Variants in GARRE1 observed in about 807,000 individuals in gnomAD.
GARRE1 encodes the protein granule associated Rac and RHOG effector 1, also known as granule associated Rac and RHOG effector protein 1.
Under a neutral mutation model 103.2 loss-of-function variants are expected in GARRE1, and 49 were observed. That is an observed-to-expected ratio of 0.47 (90% CI 0.38 to 0.60). The LOEUF (loss-of-function observed/expected upper bound fraction) is 0.60, where lower values mean the gene tolerates loss of function less well. GARRE1 is among the 20% of genes least tolerant of loss of function. The pLI is 0.00. For missense variants in GARRE1, 1,199 were observed against 1,370.5 expected (o/e 0.87, Z 1.98); for synonymous variants, 505 against 532.8 (o/e 0.95, Z 0.72).
At chr19:34,329,763 G>A (rs915649174) in intron 6 of GARRE1, among the ~76,000 whole-genome samples, 4 of 152,002 alleles carry the variant, frequency 2.6e-5, no homozygotes, top group Non-Finnish European at 5.9e-5. Context: ...TTGAACCCAG[G>A]AGGTGGAGGT....
intron 2 of GARRE1, 60 bp from the exon 3 acceptor site, chr19:34,319,846 TA>T: frequency 6.9e-7 from 1 of 1,457,740 alleles, no homozygotes; most frequent in Non-Finnish European, 9.6e-7. Flanking sequence ...ATTGAAAATT[TA>T]CTGCGCGAAT....
At chr19:34,288,301 T>G (rs900372118) in intron 1 of GARRE1, among the ~76,000 whole-genome samples, 11 of 152,166 alleles carry the variant, frequency 7.2e-5, no homozygotes, top group African/African-American at 2.7e-4. Context: ...GAAGTGTGTT[T>G]GACTAAAGTT....
chr19:34,308,422 G>A (rs2074021639), intron 2 of GARRE1, among the ~76,000 whole-genome samples: 1 of 152,114 alleles, frequency 6.6e-6, no homozygotes, highest in African/African-American at 2.4e-5. Context: ...TATGAATCCA[G>A]TTTTGAAACT....
intron 9 of GARRE1, 99 bp downstream of exon 9, chr19:34,340,091 A>AAG (rs1191183759): frequency 3.9e-6 from 5 of 1,290,984 alleles, no homozygotes; most frequent in Non-Finnish European, 5.4e-6. Flanking sequence ...CGGTATTGTA[A>AAG]AGAAGGCAGT....
At chr19:34,315,701 A>C (rs2074057060) in intron 2 of GARRE1, among the ~76,000 whole-genome samples, 1 of 87,948 alleles carries the variant, frequency 1.1e-5, no homozygotes. Context: ...ACAGAGCAAG[A>C]CTCTGTCTCA....
Position 34,327,979 on chromosome 19 carries a change from G to T in GARRE1, c.943-11G>T. 6.2e-7 allele frequency: 1 copy of T among 1,614,126 alleles called. No individual in the cohort carries two copies. The highest frequency in any genetic ancestry group is 1.1e-5 in the South Asian group (1 of 91,080). The stretch of plus-strand genomic sequence containing the variant: ...GGGTCACCTCTCCTCTTCCATCCAT[G>T]CCTTTTCCAGGGCTGCTGCAGCGAG... On this transcript the variant is annotated splice_polypyrimidine_tract_variant and intron_variant, in intron 5 of 13. Coordinates refer to ENST00000299505, the MANE Select transcript of GARRE1 (RefSeq NM_014686.5).
At chr19:34,316,442 A>G (rs1048081148) in intron 2 of GARRE1, among the ~76,000 whole-genome samples, 9 of 152,130 alleles carry the variant, frequency 5.9e-5, no homozygotes, top group African/African-American at 2.2e-4. Context: ...TCCCAAACTT[A>G]TGTCAGGAAG....
At chr19:34,278,740 A>G (rs2073833308) in intron 1 of GARRE1, among the ~76,000 whole-genome samples, 1 of 151,904 alleles carries the variant, frequency 6.6e-6, no homozygotes, top group African/African-American at 2.4e-5. Flanking sequence ...TGGTGCAGTC[A>G]AGCTTACTGC....
chr19:34,289,462 C>A (rs2073905074), intron 1 of GARRE1, among the ~76,000 whole-genome samples: 1 of 151,186 alleles, frequency 6.6e-6, no homozygotes, highest in Admixed American at 6.6e-5. Context: ...CATGGTGGCT[C>A]ATGCCTGTAA....
Position 34,302,744 on chromosome 19 carries a change from T to A in GARRE1, c.495+1776T>A, listed in dbSNP as rs1309263863. Among the ~76,000 whole-genome samples, 36 of 150,710 alleles carry A rather than the reference T, an allele frequency of 2.4e-4. 1 individual carries two copies. The highest frequency in any genetic ancestry group is 7.3e-4 in the African/African-American group (30 of 41,140). On this transcript the variant is annotated intron_variant, in intron 2 of 13. Coordinates refer to ENST00000299505, the MANE Select transcript of GARRE1 (RefSeq NM_014686.5). ...TCTTGGGGTCTTTGATAGTTTTTTT[T>A]TTTTTTTTTTTTTTTTAAAAGACAG... is the stretch of plus-strand genomic sequence containing the variant.
Position 34,342,179 on chromosome 19 carries a change from C to G in GARRE1, c.2245C>G (p.Gln749Glu). ...CATTGGACCGCAGCAGCCCCCGCCC[C>G]AGCCTCGGGCACCTGGGAAATGGGT... ...QPIGPQQPPP[Q>E]PRAPGKWVHG... The change falls in exon 10 of 14, where the codon CAG becomes GAG. Residue 749 changes from glutamine (Q) to glutamate (E), a missense_variant. Physicochemically the swap from Gln to Glu is conservative, Grantham distance 29. Transcript: ENST00000299505. 6.2e-7 allele frequency: 1 copy of G among 1,614,224 alleles called. No individual in the cohort carries two copies. The highest frequency in any genetic ancestry group is 8.5e-7 in the Non-Finnish European group (1 of 1,180,036).
Position 34,352,969 on chromosome 19 carries a change from A to AGCCT in GARRE1, c.*34_*37dup, listed in dbSNP as rs72121022. The stretch of plus-strand genomic sequence containing the variant: ...CCCCAGTACTGACCCCAGGCCAGCC[A>AGCCT]GCCTGCCTGCCTGCCTGCCTGCCCG... On this transcript the variant is annotated 3_prime_UTR_variant, in exon 14 of 14. Coordinates refer to ENST00000299505, the MANE Select transcript of GARRE1 (RefSeq NM_014686.5). 26 of 1,488,518 alleles carry AGCCT rather than the reference A, an allele frequency of 1.7e-5. No individual in the cohort carries two copies. Among genetic ancestry groups the AGCCT allele is most frequent in the Admixed American group, 6.2e-5 (3 of 48,002 alleles). The allele number at this position is 1,488,518 out of a possible 1,614,324, so 92.2% of individuals were successfully genotyped here. A position where few individuals can be genotyped will look rare whatever the true frequency, so the allele number is the denominator to read the frequency against.
intron 1 of GARRE1, among the ~76,000 whole-genome samples, chr19:34,298,688 C>G (rs1479183408): frequency 6.6e-6 from 1 of 151,760 alleles, no homozygotes; most frequent in Non-Finnish European, 1.5e-5. Flanking sequence ...CCAGCCTGGG[C>G]AACAGCAAGA....
At chr19:34,352,348 G>A (rs538544863) in intron 13 of GARRE1, among the ~76,000 whole-genome samples, 2 of 150,900 alleles carry the variant, frequency 1.3e-5, no homozygotes, top group Non-Finnish European at 2.9e-5. Context: ...GTTGCAGTGA[G>A]CCGAGATCGT....
intron 1 of GARRE1, among the ~76,000 whole-genome samples, chr19:34,269,138 C>T (rs1226460107): frequency 6.6e-6 from 1 of 152,184 alleles, no homozygotes; most frequent in Non-Finnish European, 1.5e-5. Flanking sequence ...TATAAAAGCT[C>T]TTCAGAACCG....
intron 1 of GARRE1, among the ~76,000 whole-genome samples, chr19:34,285,685 T>G (rs2073881827): frequency 6.6e-6 from 1 of 152,066 alleles, no homozygotes; most frequent in Non-Finnish European, 1.5e-5. Context: ...CTTTTTTTTT[T>G]GTTTGTTTCA....
At chr19:34,282,974 CCTT>C (rs1258625401) in intron 1 of GARRE1, among the ~76,000 whole-genome samples, 1 of 152,228 alleles carries the variant, frequency 6.6e-6, no homozygotes, top group Non-Finnish European at 1.5e-5. Context: ...GGCCCTCAGA[CCTT>C]CTCATTACTG....
chr19:34,350,407 A>G (rs1277722066), intron 12 of GARRE1, among the ~76,000 whole-genome samples: 4 of 152,160 alleles, frequency 2.6e-5, no homozygotes, highest in African/African-American at 9.7e-5. Context: ...TTCGACTTCT[A>G]AGAAGTCACA....
Position 34,262,287 on chromosome 19 carries a change from CTTTTTTTTTTTT to C in GARRE1, c.-796+7690_-796+7701del, listed in dbSNP as rs1018456778. Reference sequence around the variant, plus strand: ...AGTGAGCCACCATGCCCAGCTGCTGCTTTTTTTTTTTTTTTTTTTTTTTTTTTTGAGGCGGAG... The same window carrying C: ...AGTGAGCCACCATGCCCAGCTGCTGCTTTTTTTTTTTTTTTTGAGGCGGAG... On this transcript the variant is annotated intron_variant, in intron 1 of 13. Transcript: ENST00000299505. 5.9e-4 allele frequency among the ~76,000 whole-genome samples: 21 copies of C among 35,762 alleles called. 1 individual carries two copies. The highest frequency in any genetic ancestry group is 1.4e-3 in the South Asian group (1 of 704). 23.5% of individuals were successfully genotyped at this position (35,762 alleles called of 152,430 possible).
Sources: gnomAD v4.1 joint callset for allele counts (sites outside exome capture counted in the v4.1 genomes callset) on GRCh38, gnomAD v4.1.1 for gene constraint, MANE v1.5 for transcripts, NCBI Gene and HGNC (gene_info 2026-07-23, HGNC 2026-07-21) for gene names.